Variants in SNX29 observed in about 807,000 individuals in gnomAD.
The protein encoded by SNX29 is sorting nexin-29.
SNX29 carries 78 observed loss-of-function variants against 102.1 expected under a neutral mutation model. The ratio of observed to expected loss-of-function variants is 0.76; its 90% CI spans 0.64 to 0.92. SNX29 has a LOEUF of 0.92. SNX29 is among the 40% of genes least tolerant of loss of function. The pLI, the probability that SNX29 is intolerant of heterozygous loss-of-function variation, is 0.00. For missense variants in SNX29, 1,280 were observed against 1,061.7 expected (o/e 1.21, Z -2.86); for synonymous variants, 580 against 414.5 (o/e 1.40, Z -4.85).
At chr16:12,484,075 C>T (rs535508281) in intron 19 of SNX29, among the ~76,000 whole-genome samples, 1 of 152,358 alleles carries the variant, frequency 6.6e-6, no homozygotes, top group African/African-American at 2.4e-5. Flanking sequence ...ATGCCTGTCC[C>T]ATGGACTCCA....
intron 18 of SNX29, among the ~76,000 whole-genome samples, chr16:12,423,325 C>G (rs1001337898): frequency 6.6e-6 from 1 of 152,100 alleles, no homozygotes; most frequent in East Asian, 1.9e-4. Context: ...GCTCACAGAC[C>G]GTCTCTACCC....
chr16:12,530,166 C>G (rs2076893574), intron 20 of SNX29, among the ~76,000 whole-genome samples: 1 of 152,188 alleles, frequency 6.6e-6, no homozygotes, highest in Non-Finnish European at 1.5e-5. Context: ...CCCTGGTAGC[C>G]ACATAGAAAG....
intron 15 of SNX29, among the ~76,000 whole-genome samples, chr16:12,304,018 T>C (rs1052187286): frequency 2.0e-5 from 3 of 152,246 alleles, no homozygotes; most frequent in Non-Finnish European, 4.4e-5. Flanking sequence ...TCATAGTGTT[T>C]TCTGTTAACA....
At chr16:12,384,933 G>T (rs1192191697) in intron 16 of SNX29, among the ~76,000 whole-genome samples, 1 of 152,206 alleles carries the variant, frequency 6.6e-6, no homozygotes. Context: ...CACTTTGGGA[G>T]GCCGAGGCAG....
intron 4 of SNX29, chr16:12,038,767 A>G (rs1221545852): frequency 6.6e-6 from 1 of 152,206 alleles, no homozygotes; most frequent in Non-Finnish European, 1.5e-5. Flanking sequence ...AGGTGACTGC[A>G]TTTTTCAAGA....
chr16:12,507,147 C>T (rs1287188273), intron 19 of SNX29, among the ~76,000 whole-genome samples: 3 of 152,152 alleles, frequency 2.0e-5, no homozygotes, highest in Non-Finnish European at 2.9e-5. Flanking sequence ...GTGATGAGAC[C>T]GAAATGCTTT....
chr16:12,009,064 G>A (rs887603279), intron 3 of SNX29, among the ~76,000 whole-genome samples: 4 of 152,128 alleles, frequency 2.6e-5, no homozygotes, highest in African/African-American at 9.7e-5. Context: ...TAAGGCTACT[G>A]TTTTTATGTC....
At chr16:12,132,026 G>A (rs1290390594) in intron 13 of SNX29, among the ~76,000 whole-genome samples, 1 of 151,908 alleles carries the variant, frequency 6.6e-6, no homozygotes, top group East Asian at 1.9e-4. Context: ...TGCATTTAAT[G>A]TTCACAATAA....
chr16:12,521,323 C>T (rs1407025427), intron 19 of SNX29, among the ~76,000 whole-genome samples: 1 of 152,008 alleles, frequency 6.6e-6, no homozygotes, highest in Admixed American at 6.6e-5. Context: ...CAGAACCTGG[C>T]TTAGGTTTCC....
At chr16:12,410,904 G>A (rs948316529) in intron 18 of SNX29, among the ~76,000 whole-genome samples, 4 of 152,210 alleles carry the variant, frequency 2.6e-5, no homozygotes, top group African/African-American at 7.2e-5. Flanking sequence ...GCGTTTCTCA[G>A]CTCTTCCTTT....
At position 12,179,244 on chromosome 16, in the gene SNX29, G is replaced by A. The variant is rs916974297; in HGVS notation, c.1596-20357G>A. Among the ~76,000 whole-genome samples, 17 of 152,228 alleles carry A rather than the reference G, an allele frequency of 1.1e-4. 1 individual carries two copies. Among genetic ancestry groups the A allele is most frequent in the African/African-American group, 4.1e-4 (17 of 41,460 alleles). ...CTCACACCTGTACTCTTAGCTTTGG[G>A]AGGCTGAGATGGGAGGATCACTTGA... On this transcript the variant is annotated intron_variant, in intron 13 of 20. Coordinates refer to ENST00000566228, the MANE Select transcript of SNX29 (RefSeq NM_032167.5).
chr16:12,308,627 C>G (rs2080426645), intron 15 of SNX29, among the ~76,000 whole-genome samples: 1 of 151,960 alleles, frequency 6.6e-6, no homozygotes, highest in African/African-American at 2.4e-5. Context: ...GGAAACAAGA[C>G]AGAAAAAATC....
intron 14 of SNX29, among the ~76,000 whole-genome samples, chr16:12,209,947 C>T (rs1405861650): frequency 2.0e-5 from 3 of 151,958 alleles, no homozygotes; most frequent in Non-Finnish European, 4.4e-5. Context: ...AGTGTGGGCT[C>T]TGGAGACGAA....
chr16:12,483,114 GTTTTTTTTTTTTT>G lies in SNX29; in HGVS notation c.2178+5272_2178+5284del, dbSNP rs574090459. ...AATAGATACATATTGAAGTTATTAA[GTTTTTTTTTTTTT>G]TTTTTTTTTTTTTTTTGGAGACAGC... On this transcript the variant is annotated intron_variant, in intron 19 of 20. Transcript: ENST00000566228. 8.8e-4 allele frequency among the ~76,000 whole-genome samples: 58 copies of G among 66,216 alleles called. 2 individuals carry two copies. The highest frequency in any genetic ancestry group is 2.9e-3 in the East Asian group (7 of 2,382). The allele number at this position is 66,216 out of a possible 152,430, so 43.4% of individuals were successfully genotyped here.
At chr16:12,416,109 G>A (rs1157722497) in intron 18 of SNX29, among the ~76,000 whole-genome samples, 1 of 152,150 alleles carries the variant, frequency 6.6e-6, no homozygotes, top group Non-Finnish European at 1.5e-5. Context: ...CTTTGCATCA[G>A]CCTGTAGGAG....
intron 18 of SNX29, among the ~76,000 whole-genome samples, chr16:12,406,708 G>C (rs1450201501): frequency 6.6e-6 from 1 of 152,212 alleles, no homozygotes; most frequent in Non-Finnish European, 1.5e-5. Flanking sequence ...AGGAGTTCAA[G>C]ACCATCCTGG....
intron 16 of SNX29, among the ~76,000 whole-genome samples, chr16:12,363,720 G>A (rs2082371104): frequency 6.6e-6 from 1 of 152,210 alleles, no homozygotes; most frequent in South Asian, 2.1e-4. Context: ...AAAGAGATGA[G>A]CAGGGTTAGT....
At chr16:12,144,788 C>A (rs1190604814) in intron 13 of SNX29, among the ~76,000 whole-genome samples, 2 of 152,244 alleles carry the variant, frequency 1.3e-5, no homozygotes, top group South Asian at 2.1e-4. Context: ...ATGGCGCGAT[C>A]TCTGCTCGCT....
intron 20 of SNX29, among the ~76,000 whole-genome samples, chr16:12,537,889 G>A (rs1241212919): frequency 6.6e-6 from 1 of 151,818 alleles, no homozygotes; most frequent in African/African-American, 2.4e-5. Context: ...GGACGCTAAG[G>A]CAGGAGAGTC....
Sources: gnomAD v4.1 joint callset for allele counts (sites outside exome capture counted in the v4.1 genomes callset) on GRCh38, gnomAD v4.1.1 for gene constraint, MANE v1.5 for transcripts, NCBI Gene and HGNC (gene_info 2026-07-23, HGNC 2026-07-21) for gene names.